UNK: variants seen among roughly 807,000 people sequenced by gnomAD.
The protein encoded by UNK is unk zinc finger, also known as RING finger protein unkempt homolog.
In UNK, 32 loss-of-function variants were observed where a neutral mutation model predicts 97.6. That is an observed-to-expected ratio of 0.33 (90% CI 0.25 to 0.44). UNK has a LOEUF of 0.44. Among genes scored for constraint, UNK ranks in the 20% least tolerant of loss-of-function variants. The probability of loss-of-function intolerance (pLI) is 1.00; values close to 1 mark genes in which losing one functional copy is unlikely to be tolerated. For missense variants in UNK, 771 were observed against 1,098.4 expected, an observed-to-expected ratio of 0.70 and a Z score of 4.21; for synonymous variants, 441 against 461.2, an observed-to-expected ratio of 0.96 and a Z score of 0.56.
At chr17:75,794,444 C>G (rs2061788078) in intron 1 of UNK, among the ~76,000 whole-genome samples, 1 of 152,086 alleles carries the variant, frequency 6.6e-6, no homozygotes, top group African/African-American at 2.4e-5. Context: ...CGAGACCAGC[C>G]TGGCCAACAT....
intron 1 of UNK, among the ~76,000 whole-genome samples, chr17:75,801,934 A>G (rs1218999982): frequency 2.6e-5 from 4 of 151,534 alleles, no homozygotes; most frequent in South Asian, 2.1e-4. Context: ...TGCAACCTCA[A>G]CTTCCCTGGT....
rs190739372 is a variant in UNK, at chr17:75,802,912, G to T, written c.105-6848G>T. On this transcript the variant is annotated intron_variant, in intron 1 of 15. Transcript: ENST00000589666. ...GAGGCCAAGGTGGGCGGATCACGAG[G>T]TCAGGAGATTGAGACCACCCTGGCC... 6.2e-3 allele frequency among the ~76,000 whole-genome samples: 942 copies of T among 150,874 alleles called. 11 individuals are homozygous for T. The highest frequency in any genetic ancestry group is 0.023 in the African/African-American group (919 of 40,734).
At chr17:75,789,410 C>T (rs9907871) in intron 1 of UNK, among the ~76,000 whole-genome samples, 35,493 of 151,946 alleles carry the variant, frequency 0.23, 5,165 homozygotes, top group African/African-American at 0.41. Flanking sequence ...GATCTCGGCT[C>T]ACTGCAAGCT....
rs913383295 is a variant in UNK, at chr17:75,824,008, C to G, written c.2278-254C>G. 1.3e-5 allele frequency among the ~76,000 whole-genome samples: 2 copies of G among 152,194 alleles called. No homozygotes were observed. Among genetic ancestry groups the G allele is most frequent in the African/African-American group, 4.8e-5 (2 of 41,452 alleles). On this transcript the variant is annotated intron_variant, in intron 15 of 15. Transcript: ENST00000589666. This position sits in a 1 kb window ranked among gnomAD's most constrained non-coding sequence, Gnocchi z 4.9. ...CCTTTCTGGGCCTCATTTTCCCCAT[C>G]TGGGGATTACAAGGTCAAATGAGAC...
chr17:75,822,925 G>A (rs938495623), intron 14 of UNK, among the ~76,000 whole-genome samples: 7 of 152,134 alleles, frequency 4.6e-5, no homozygotes, highest in East Asian at 1.9e-4. Flanking sequence ...CAGTAGCCTC[G>A]CCTCTCCAGG....
At chr17:75,810,015 G>T (rs1371741229) in intron 2 of UNK, 46 bp downstream of exon 2, 1 of 1,604,568 alleles carries the variant, frequency 6.2e-7, no homozygotes, top group South Asian at 1.1e-5. Context: ...GTCTCCTTCT[G>T]GGTCAGATGC....
intron 15 of UNK, among the ~76,000 whole-genome samples, chr17:75,823,895 G>A (rs150262153): frequency 3.2e-4 from 49 of 152,304 alleles, no homozygotes; most frequent in East Asian, 1.7e-3. Flanking sequence ...CTGGGTCCCC[G>A]GGGCCAACGT....
chr17:75,801,696 G>C (rs11652261), intron 1 of UNK, among the ~76,000 whole-genome samples: 75,061 of 150,992 alleles, frequency 0.5, 22,816 homozygotes, highest in Admixed American at 0.65. Context: ...ACAGGCGCCC[G>C]CCACCACACC....
chr17:75,793,084 C>G (rs1271937279), intron 1 of UNK, among the ~76,000 whole-genome samples: 1 of 152,190 alleles, frequency 6.6e-6, no homozygotes, highest in African/African-American at 2.4e-5. Context: ...ATTCAGAAAA[C>G]AAGTTTGAGA....
intron 13 of UNK, 149 bp from the exon 14 acceptor site, chr17:75,822,328 G>C (rs1365668229): frequency 2.1e-6 from 2 of 970,470 alleles, no homozygotes; most frequent in South Asian, 1.8e-5. Flanking sequence ...CAGCCTTCCT[G>C]TCCCTGCAAA....
intron 1 of UNK, chr17:75,794,257 A>G: frequency 1.2e-6 from 1 of 817,100 alleles, no homozygotes. Flanking sequence ...GCCTGTCCGA[A>G]ACTCTCTGAC....
At position 75,815,374 on chromosome 17, in the gene UNK, C is replaced by T; in HGVS notation, c.961+121C>T. On this transcript the variant is annotated intron_variant, in intron 7 of 15. Transcript: ENST00000589666. ...GCCCTGCACAGGAGTTCTGGCCTGC[C>T]AGCAGCAGGCCTTGTCCCCACTGGA... 3.4e-6 allele frequency: 3 copies of T among 876,118 alleles called. No individual in the cohort carries two copies. In the South Asian group the frequency reaches 5.4e-5, roughly 16 times the overall value. 54.3% of individuals were successfully genotyped at this position (876,118 alleles called of 1,614,324 possible). A position where few individuals can be genotyped will look rare whatever the true frequency, so the allele number is the denominator to read the frequency against.
chr17:75,820,732 CT>C lies in UNK; in HGVS notation c.1837+626del, dbSNP rs373613834. The stretch of plus-strand genomic sequence containing the variant: ...ACTGCGGGCCGGCTGTGCATCTCCT[CT>C]TGTGTGTGTCAGGGGATGTTCCTGA... On this transcript the variant is annotated intron_variant, in intron 13 of 15. Coordinates refer to ENST00000589666, the MANE Select transcript of UNK (RefSeq NM_001080419.3). 8.6e-3 allele frequency among the ~76,000 whole-genome samples: 1,315 copies of C among 152,286 alleles called. 17 individuals are homozygous for C. The highest frequency in any genetic ancestry group is 0.03 in the African/African-American group (1,240 of 41,570).
intron 1 of UNK, among the ~76,000 whole-genome samples, chr17:75,798,847 A>G (rs189703414): frequency 6.6e-6 from 1 of 151,834 alleles, no homozygotes; most frequent in Non-Finnish European, 1.5e-5. Flanking sequence ...CAGGCAGATC[A>G]TGAGGTCAGG....
Position 75,818,015 on chromosome 17 carries a change from GC to G in UNK, c.1306-83del. On this transcript the variant is annotated intron_variant, in intron 9 of 15. Coordinates refer to ENST00000589666, the MANE Select transcript of UNK (RefSeq NM_001080419.3). This position sits in a 1 kb window ranked among gnomAD's most constrained non-coding sequence, Gnocchi z 5.1. Reference sequence around the variant, plus strand: ...AGGGGTTGCATGTCTGCCACCACCTGCCCCCTGGTACCTGCAGCCTCAGGGT... The same window carrying G: ...AGGGGTTGCATGTCTGCCACCACCTGCCCCTGGTACCTGCAGCCTCAGGGT... 3.8e-6 allele frequency: 5 copies of G among 1,328,784 alleles called. No individual in the cohort carries two copies. Among genetic ancestry groups the G allele is most frequent in the Non-Finnish European group, 3.2e-6 (3 of 930,244 alleles). The allele number at this position is 1,328,784 out of a possible 1,614,324, so 82.3% of individuals were successfully genotyped here.
chr17:75,812,226 C>T lies in UNK; in HGVS notation c.429C>T (p.Asn143=), dbSNP rs765608462. Residue 143 remains asparagine (N), a synonymous_variant, in exon 3 of 16, where the codon AAC becomes AAT. Transcript: ENST00000589666. ...ACTCGAAAGGCAACTGCACCAAAAA[C>T]GGCCTGCACTGCGCTTTTGCCCACG... ...ETDSKGNCTK[N]GLHCAFAHGP... is the part of the protein sequence containing the mutation. The T allele has an allele frequency of 1.1e-5, 17 of 1,614,020 alleles. No homozygotes were observed. The highest frequency in any genetic ancestry group is 1.4e-5 in the Non-Finnish European group (17 of 1,179,886).
Position 75,784,946 on chromosome 17 carries a change from G to A in UNK, c.66G>A (p.Gln22=). The A allele has an allele frequency of 1.3e-6, 2 of 1,541,534 alleles. No individual in the cohort carries two copies. Among genetic ancestry groups the A allele is most frequent in the Middle Eastern group, 2.0e-4 (1 of 4,910 alleles). ...ASSAPPAATA[Q]VLQAQPEKPQ... ...CGGCGCCCCCGGCCGCTACCGCTCAGGTGCTGCAGGCACAGCCCGAGAAAC... is the reference window on the plus strand; with the variant it reads ...CGGCGCCCCCGGCCGCTACCGCTCAAGTGCTGCAGGCACAGCCCGAGAAAC... Residue 22 remains glutamine, a synonymous_variant, in exon 1 of 16, where the codon CAG becomes CAA. Transcript: ENST00000589666.
chr17:75,824,226 C>G lies in UNK; in HGVS notation c.2278-36C>G, dbSNP rs760952583. ...CTCCTCGCTCAACTTGGGGCCAGAC[C>G]CATGGATGGTGACCACGATGCCCCT... is the stretch of plus-strand genomic sequence containing the variant. On this transcript the variant is annotated intron_variant, in intron 15 of 15. Transcript: ENST00000589666. The surrounding 1 kb of genome is among the most constrained non-coding windows in gnomAD (Gnocchi z 4.9). 2 of 1,554,466 alleles carry G rather than the reference C, an allele frequency of 1.3e-6. No individual in the cohort carries two copies. Among genetic ancestry groups the G allele is most frequent in the African/African-American group, 2.8e-5 (2 of 72,202 alleles).
chr17:75,817,495 G>A lies in UNK; in HGVS notation c.1274G>A (p.Gly425Glu). 3 of 1,611,690 alleles carry A rather than the reference G, an allele frequency of 1.9e-6. No individual in the cohort carries two copies. Among genetic ancestry groups the A allele is most frequent in the Non-Finnish European group, 2.5e-6 (3 of 1,178,676 alleles). Reference protein sequence around the residue: ...APGFEREDQVGAEYLKNFKCQ... With the variant: ...APGFEREDQVEAEYLKNFKCQ... ...GGCTTCGAGAGGGAAGACCAGGTGG[G>A]AGCCGAGTACCTGAAAAATTTCAAA... The change falls in exon 9 of 16, where the codon GGA becomes GAA. Residue 425 changes from glycine to glutamate, a missense_variant. Physicochemically the swap from Gly to Glu is moderately conservative, Grantham distance 98. Coordinates refer to ENST00000589666, the MANE Select transcript of UNK (RefSeq NM_001080419.3). This position sits in a 1 kb window ranked among gnomAD's most constrained non-coding sequence, Gnocchi z 5.8.
Sources: allele counts gnomAD v4.1 joint callset (sites outside exome capture counted in the v4.1 genomes callset), GRCh38; gene constraint gnomAD v4.1.1; non-coding constraint Gnocchi (gnomAD v3.1); transcripts MANE v1.5; gene names NCBI Gene and HGNC (gene_info 2026-07-23, HGNC 2026-07-21).